The following KLHL32 variants were observed in gnomAD, a reference collection of about 807,000 sequenced individuals.
The protein encoded by KLHL32 is kelch-like protein 32.
A neutral mutation model predicts 64.8 loss-of-function variants in KLHL32; 35 were observed. The ratio of observed to expected loss-of-function variants is 0.54; its 90% confidence interval spans 0.41 to 0.72. KLHL32 has a LOEUF of 0.72. KLHL32 is among the 30% of genes least tolerant of loss of function. KLHL32 has a pLI of 0.00. For synonymous variants in KLHL32, 259 were observed against 281.0 expected (o/e 0.92, Z 0.78); for missense variants, 589 against 768.5 (o/e 0.77, Z 2.76).
At position 97,050,739 on chromosome 6, in the gene KLHL32, A is replaced by G. The variant is rs973609578; in HGVS notation, c.312+9140A>G. Among the ~76,000 whole-genome samples the G allele has an allele frequency of 1.4e-4, 21 of 152,220 alleles. 1 individual carries two copies. The highest frequency in any genetic ancestry group is 9.8e-4 in the Admixed American group (15 of 15,276). On this transcript the variant is annotated intron_variant, in intron 4 of 10. Transcript: ENST00000369261. ...CAATGTGGGCTGGACGCAGTGGCTCATGCCTGTAATCCCAGCACTTTGGGA... is the reference window on the plus strand; with the variant it reads ...CAATGTGGGCTGGACGCAGTGGCTCGTGCCTGTAATCCCAGCACTTTGGGA...
Position 96,976,137 on chromosome 6 carries a change from C to T in KLHL32, c.164C>T (p.Ala55Val), listed in dbSNP as rs148062658. The change falls in exon 3 of 11, where the codon GCT becomes GTT. Residue 55 changes from alanine to valine, a missense_variant. Physicochemically the swap from Ala to Val is moderately conservative, Grantham distance 64. This residue lies in a region of KLHL32 where 191 missense variants were observed against 223.3 expected (regional missense o/e 0.86). Coordinates refer to ENST00000369261, the MANE Select transcript of KLHL32 (RefSeq NM_052904.4). ...TLIAEEQKFHAHKAVLAACSD... is the reference protein window; with the variant it reads ...TLIAEEQKFHVHKAVLAACSD... The stretch of plus-strand genomic sequence containing the variant: ...ATTGCTGAGGAACAGAAATTCCATG[C>T]TCACAAGGCAGTCCTAGCAGCATGC... 42 of 1,604,650 alleles carry T rather than the reference C, an allele frequency of 2.6e-5. No individual in the cohort carries two copies. Among genetic ancestry groups the T allele is most frequent in the Non-Finnish European group, 3.5e-5 (41 of 1,173,480 alleles).
chr6:96,898,510 C>G, the KLHL32 span, among the ~76,000 whole-genome samples: 1 of 152,138 alleles, frequency 6.6e-6, no homozygotes, highest in African/African-American at 2.4e-5. Context: ...ACATCCCGTT[C>G]TCATTTGACC....
intron 1 of KLHL32, among the ~76,000 whole-genome samples, chr6:96,937,400 G>A (rs1562173359): frequency 6.6e-6 from 1 of 152,162 alleles, no homozygotes; most frequent in Non-Finnish European, 1.5e-5. Flanking sequence ...TATTTCTTGT[G>A]TGTGTGTGAA....
the KLHL32 span, among the ~76,000 whole-genome samples, chr6:96,913,034 G>T: frequency 6.6e-6 from 1 of 152,280 alleles, no homozygotes; most frequent in South Asian, 2.1e-4. Flanking sequence ...ATGTTTGATT[G>T]CTCTCTGTTT....
At chr6:96,911,680 G>A in the KLHL32 span, among the ~76,000 whole-genome samples, 2 of 152,080 alleles carry the variant, frequency 1.3e-5, no homozygotes, top group Non-Finnish European at 2.9e-5. Flanking sequence ...GTACTGCAAA[G>A]CACAACATAA....
chr6:97,046,287 A>G (rs1373006615), intron 4 of KLHL32, among the ~76,000 whole-genome samples: 1 of 152,236 alleles, frequency 6.6e-6, no homozygotes, highest in Non-Finnish European at 1.5e-5. Context: ...AGGGAAATGC[A>G]GTGAATTGAC....
At chr6:97,122,802 G>A (rs1200295687) in intron 7 of KLHL32, among the ~76,000 whole-genome samples, 1 of 152,228 alleles carries the variant, frequency 6.6e-6, no homozygotes, top group Admixed American at 6.5e-5. Flanking sequence ...GAGCATGGCT[G>A]TGTTAAATGG....
intron 1 of KLHL32, among the ~76,000 whole-genome samples, chr6:96,939,619 A>C (rs758974530): frequency 1.6e-4 from 24 of 152,150 alleles, no homozygotes; most frequent in Non-Finnish European, 3.1e-4. Flanking sequence ...ATGGGAAAAA[A>C]TTCTAGGAGG....
At chr6:96,963,641 C>T (rs1774114731) in intron 1 of KLHL32, among the ~76,000 whole-genome samples, 1 of 152,144 alleles carries the variant, frequency 6.6e-6, no homozygotes, top group African/African-American at 2.4e-5. Flanking sequence ...CAAATCCCTT[C>T]CTCCTTCCCG....
At chr6:97,069,312 T>C (rs1006789382) in intron 5 of KLHL32, among the ~76,000 whole-genome samples, 1 of 152,170 alleles carries the variant, frequency 6.6e-6, no homozygotes, top group Non-Finnish European at 1.5e-5. Flanking sequence ...GAAAATTAGT[T>C]ATTTTCTCTC....
chr6:96,981,528 GATTTTTAGAATCTCA>G (rs1441716579), intron 3 of KLHL32, among the ~76,000 whole-genome samples: 3 of 151,892 alleles, frequency 2.0e-5, no homozygotes, highest in African/African-American at 7.3e-5. Context: ...TCTTTTATAT[GATTTTTAGAATCTCA>G]ATTTCCTTCA....
At chr6:96,980,083 T>C (rs186933389) in intron 3 of KLHL32, among the ~76,000 whole-genome samples, 367 of 152,306 alleles carry the variant, frequency 2.4e-3, no homozygotes, top group Non-Finnish European at 4.5e-3. Context: ...TGGAGAGTTC[T>C]AAGTATGGAA....
intron 5 of KLHL32, among the ~76,000 whole-genome samples, chr6:97,084,244 A>C (rs1262173569): frequency 6.6e-6 from 1 of 152,188 alleles, no homozygotes; most frequent in Non-Finnish European, 1.5e-5. Context: ...AAGTGAGGGG[A>C]AAGTAGGAAA....
chr6:96,937,582 AC>A (rs1464176877), intron 1 of KLHL32, among the ~76,000 whole-genome samples: 1 of 152,106 alleles, frequency 6.6e-6, no homozygotes, highest in African/African-American at 2.4e-5. Flanking sequence ...GACTCCTCAC[AC>A]GTTTTCTATT....
intron 4 of KLHL32, among the ~76,000 whole-genome samples, chr6:97,051,857 A>G (rs919800627): frequency 2.0e-5 from 3 of 152,180 alleles, no homozygotes; most frequent in Non-Finnish European, 4.4e-5. Flanking sequence ...TTGAGAAAAA[A>G]AGAACAATTG....
intron 1 of KLHL32, among the ~76,000 whole-genome samples, chr6:96,960,765 A>T (rs1030193476): frequency 6.6e-6 from 1 of 152,188 alleles, no homozygotes; most frequent in Admixed American, 6.5e-5. Context: ...ATCATGTAAG[A>T]TGTACATTGG....
chr6:97,090,387 G>A (rs1794056274), intron 6 of KLHL32, among the ~76,000 whole-genome samples: 1 of 152,080 alleles, frequency 6.6e-6, no homozygotes, highest in Non-Finnish European at 1.5e-5. Flanking sequence ...GCCACATATT[G>A]TTTAGTCAAC....
intron 1 of KLHL32, among the ~76,000 whole-genome samples, chr6:96,965,773 A>G (rs1774382905): frequency 6.6e-6 from 1 of 152,252 alleles, no homozygotes; most frequent in South Asian, 2.1e-4. Context: ...CTGCTCAGTC[A>G]TAATGGAGCA....
chr6:96,965,177 TC>T (rs1348671050), intron 1 of KLHL32, among the ~76,000 whole-genome samples: 2 of 152,258 alleles, frequency 1.3e-5, no homozygotes, highest in African/African-American at 4.8e-5. Context: ...GACAAGATTT[TC>T]TTCTTTTTTA....
Sources: gnomAD v4.1 joint callset for allele counts (sites outside exome capture counted in the v4.1 genomes callset) on GRCh38, gnomAD v4.1.1 for gene constraint, gnomAD v4.1.1 regional missense constraint, MANE v1.5 for transcripts, NCBI Gene and HGNC (gene_info 2026-07-23, HGNC 2026-07-21) for gene names.